DNAJB14: variants seen among roughly 807,000 people sequenced by gnomAD.
The protein encoded by DNAJB14 is DnaJ heat shock protein family (Hsp40) member B14, also known as dnaJ homolog subfamily B member 14.
DNAJB14 carries 22 observed loss-of-function variants against 48.4 expected under a neutral mutation model. That is an observed-to-expected ratio of 0.45 (90% CI 0.32 to 0.65). DNAJB14 has a LOEUF of 0.65. DNAJB14 is among the 30% of genes least tolerant of loss of function. The probability of loss-of-function intolerance (pLI) is 0.03; values close to 1 mark genes in which losing one functional copy is unlikely to be tolerated. For synonymous variants in DNAJB14, 142 were observed against 158.7 expected (o/e 0.89, Z 0.79); for missense variants, 319 against 458.8 (o/e 0.70, Z 2.78).
chr4:99,917,331 C>T (rs1302556058), intron 3 of DNAJB14, among the ~76,000 whole-genome samples: 3 of 152,172 alleles, frequency 2.0e-5, no homozygotes, highest in African/African-American at 7.2e-5. Context: ...ATATCATAAA[C>T]TGCATAGTTT....
At chr4:99,914,990 T>C (rs964408397) in intron 3 of DNAJB14, among the ~76,000 whole-genome samples, 4 of 152,216 alleles carry the variant, frequency 2.6e-5, no homozygotes, top group Admixed American at 2.6e-4. Flanking sequence ...CTATTGTTAC[T>C]CTTTTCAATT....
At chr4:99,916,219 G>C (rs1725849794) in intron 3 of DNAJB14, among the ~76,000 whole-genome samples, 2 of 152,058 alleles carry the variant, frequency 1.3e-5, no homozygotes, top group African/African-American at 4.8e-5. Context: ...GGTCACTGCA[G>C]CCTCAACCCC....
chr4:99,911,274 C>T (rs1725650241), intron 3 of DNAJB14, among the ~76,000 whole-genome samples: 1 of 152,068 alleles, frequency 6.6e-6, no homozygotes, highest in Non-Finnish European at 1.5e-5. Context: ...TAAGGATGTA[C>T]CACTGTTTAA....
In DNAJB14 at chr4:99,898,633, TAAG is replaced by T. The variant is rs1725200271; in HGVS notation, c.*2392_*2394del. 6.6e-6 allele frequency: 1 copy of T among 151,928 alleles called. No individual in the cohort carries two copies. Among genetic ancestry groups the T allele is most frequent in the African/African-American group, 2.4e-5 (1 of 41,428 alleles). The allele number at this position is 151,928 out of a possible 1,614,324, so 9.4% of individuals were successfully genotyped here. On this transcript the variant is annotated 3_prime_UTR_variant, in exon 8 of 8. Transcript: ENST00000442697. ...TAAAAATGTAAAGCATTAATAAATA[TAAG>T]TGCTGCTAAACTGTTAGAATACCAG...
At chr4:99,911,950 AATC>A (rs1453403242) in intron 3 of DNAJB14, among the ~76,000 whole-genome samples, 4 of 152,206 alleles carry the variant, frequency 2.6e-5, no homozygotes, top group Non-Finnish European at 5.9e-5. Context: ...AGTCTTAAAA[AATC>A]ATTGCCTCAC....
chr4:99,908,669 G>A (rs916479585), intron 4 of DNAJB14, 42 bp downstream of exon 4: 1 of 1,425,256 alleles, frequency 7.0e-7, no homozygotes. Context: ...GTAAGACTAT[G>A]TAGCTTCATA....
chr4:99,934,811 A>C (rs1726610423), intron 1 of DNAJB14, among the ~76,000 whole-genome samples: 1 of 147,632 alleles, frequency 6.8e-6, no homozygotes, highest in South Asian at 2.1e-4. Flanking sequence ...AAAAAAAAAA[A>C]AAAAAAAAGA....
At chr4:99,923,260 T>G in intron 2 of DNAJB14, 75 bp from the exon 3 acceptor site, 1 of 1,306,212 alleles carries the variant, frequency 7.7e-7, no homozygotes, top group Admixed American at 2.5e-5. Context: ...TTTTAATTTA[T>G]TAGAATACTA....
intron 5 of DNAJB14, 132 bp downstream of exon 5, chr4:99,906,385 A>C: frequency 1.0e-6 from 1 of 994,506 alleles, no homozygotes; most frequent in Non-Finnish European, 1.5e-6. Context: ...AGGATTTTCT[A>C]GTCTCTACCA....
chr4:99,910,729 T>C (rs1725628906), intron 3 of DNAJB14, among the ~76,000 whole-genome samples: 1 of 152,044 alleles, frequency 6.6e-6, no homozygotes, highest in East Asian at 1.9e-4. Flanking sequence ...TTTTTGCAGT[T>C]CCTTATTATC....
intron 2 of DNAJB14, chr4:99,928,228 A>G (rs900406593): frequency 6.5e-6 from 1 of 152,824 alleles, no homozygotes; most frequent in Admixed American, 6.5e-5. Context: ...TCCTCTGCAA[A>G]TATTCCATAC....
At chr4:99,913,047 T>G (rs1725720529) in intron 3 of DNAJB14, among the ~76,000 whole-genome samples, 1 of 152,252 alleles carries the variant, frequency 6.6e-6, no homozygotes, top group Non-Finnish European at 1.5e-5. Flanking sequence ...TGTCCTGCAA[T>G]CTTACGGGAT....
chr4:99,946,505 T>G lies in DNAJB14; in HGVS notation c.67A>C (p.Asn23His), dbSNP rs777838377. The change falls in exon 1 of 8, where the codon AAC becomes CAC. Residue 23 changes from asparagine (N) to histidine (H), a missense_variant. This residue lies in a region of DNAJB14 where 116 missense variants were observed against 134.6 expected (regional missense o/e 0.86). Coordinates refer to ENST00000442697, the MANE Select transcript of DNAJB14 (RefSeq NM_001031723.4). ...AGGAAGCGCTGGGCCTTCTCGCGGT[T>G]GCCGGCGTTCAGGGCCTCCCGGGCG... ...EIAREALNAG[N>H]REKAQRFLQK... 2.5e-6 allele frequency: 4 copies of G among 1,613,652 alleles called. No homozygotes were observed. The highest frequency in any genetic ancestry group is 3.4e-6 in the Non-Finnish European group (4 of 1,179,800).
chr4:99,906,392 A>G, intron 5 of DNAJB14, 125 bp downstream of exon 5: 1 of 1,039,392 alleles, frequency 9.6e-7, no homozygotes. Flanking sequence ...TCTAGTCTCT[A>G]CCAAACACCT....
chr4:99,946,378 G>T, intron 1 of DNAJB14, 61 bp downstream of exon 1: 1 of 1,556,058 alleles, frequency 6.4e-7, no homozygotes, highest in Non-Finnish European at 8.7e-7. Context: ...GGTGGGGGCA[G>T]GGGCGGGCTA....
intron 2 of DNAJB14, 118 bp downstream of exon 2, chr4:99,930,332 G>GTCTA (rs1726417230): frequency 3.9e-6 from 4 of 1,030,718 alleles, no homozygotes; most frequent in Non-Finnish European, 5.5e-6. Flanking sequence ...CACACCCAGA[G>GTCTA]TTCAATTCCT....
intron 2 of DNAJB14, chr4:99,926,042 CCTT>C (rs1202320055): frequency 1.3e-5 from 2 of 152,164 alleles, no homozygotes; most frequent in Non-Finnish European, 2.9e-5. Context: ...GCTGAGCACA[CCTT>C]CTCTGCCTCT....
intron 1 of DNAJB14, among the ~76,000 whole-genome samples, chr4:99,936,117 C>T (rs1726665542): frequency 1.3e-5 from 2 of 152,060 alleles, no homozygotes; most frequent in Admixed American, 1.3e-4. Context: ...CATGGCTGAG[C>T]TCAAGAGGGC....
In DNAJB14 at chr4:99,921,228, A is replaced by C. The variant is rs367578709; in HGVS notation, c.451+1812T>G. Among the ~76,000 whole-genome samples, 8 of 152,212 alleles carry C rather than the reference A, an allele frequency of 5.3e-5. No homozygotes were observed. The East Asian group carries it at 1.2e-3, about 22-fold the overall frequency. On this transcript the variant is annotated intron_variant, in intron 3 of 7. Transcript: ENST00000442697. ...TAAACTGGCATTCTGATTTACAGGT[A>C]ATCTCTTTGTGTATTGAACAATGTA...
Sources: gnomAD v4.1 joint callset for allele counts (sites outside exome capture counted in the v4.1 genomes callset) on GRCh38, gnomAD v4.1.1 for gene constraint, gnomAD v4.1.1 regional missense constraint, MANE v1.5 for transcripts, NCBI Gene and HGNC (gene_info 2026-07-23, HGNC 2026-07-21) for gene names.